PAQR7: variants seen among roughly 807,000 people sequenced by gnomAD.
PAQR7 encodes membrane progestin receptor alpha.
In PAQR7, 14 loss-of-function variants were observed where a neutral mutation model predicts 24.6. That is an observed-to-expected ratio of 0.57 (90% confidence interval 0.38 to 0.89). The LOEUF (loss-of-function observed/expected upper bound fraction) is 0.89, where lower values mean the gene tolerates loss of function less well. Ranked by LOEUF, PAQR7 falls within the 40% of genes least tolerant of loss-of-function variation. PAQR7 has a pLI of 0.00. For missense variants in PAQR7, 351 were observed against 444.0 expected (o/e 0.79, Z 1.88); for synonymous variants, 189 against 198.8 (o/e 0.95, Z 0.42).
intron 1 of PAQR7, among the ~76,000 whole-genome samples, chr1:25,872,900 A>G (rs1233901062): frequency 6.6e-6 from 1 of 151,990 alleles, no homozygotes. Context: ...GTACAATTCC[A>G]CTTCCTCTTT....
chr1:25,863,683 G>A lies in PAQR7; in HGVS notation c.157C>T (p.Pro53Ser). The change falls in exon 3 of 3, where the codon CCG (proline) becomes TCG (serine). Residue 53 changes from proline to serine, a missense_variant. By Grantham distance (74) the Pro-to-Ser change is moderately conservative (BLOSUM62 -1). Coordinates refer to ENST00000675840, the MANE Select transcript of PAQR7 (RefSeq NM_178422.6). The surrounding 1 kb of genome is among the most constrained non-coding windows in gnomAD (Gnocchi z 6.1). ...TAGAAGCGCCAGGTCTGATGCAGCGGCCGGTAGCCCGCATAGATGTACGGC... is the reference window on the plus strand; with the variant it reads ...TAGAAGCGCCAGGTCTGATGCAGCGACCGGTAGCCCGCATAGATGTACGGC... ...WKPYIYAGYRPLHQTWRFYFR... is the reference protein window; with the variant it reads ...WKPYIYAGYRSLHQTWRFYFR... The A allele has an allele frequency of 6.2e-7, 1 of 1,614,206 alleles. No individual in the cohort carries two copies. The highest frequency in any genetic ancestry group is 1.1e-5 in the South Asian group (1 of 91,088).
Position 25,862,494 on chromosome 1 carries a change from A to G in PAQR7, c.*305T>C. 2.9e-6 allele frequency: 1 copy of G among 341,312 alleles called. No homozygotes were observed. Among genetic ancestry groups the G allele is most frequent in the Non-Finnish European group, 5.4e-6 (1 of 183,868 alleles). 21.1% of individuals were successfully genotyped at this position (341,312 alleles called of 1,614,324 possible). A position where few individuals can be genotyped will look rare whatever the true frequency, so the allele number is the denominator to read the frequency against. Reference sequence around the variant, plus strand: ...AATCTAGAAGCCCCAATCCTCACCAAGCTGACCCCCAGCCTCACCCCAGTG... The same window carrying G: ...AATCTAGAAGCCCCAATCCTCACCAGGCTGACCCCCAGCCTCACCCCAGTG... On this transcript the variant is annotated 3_prime_UTR_variant, in exon 3 of 3. Coordinates refer to ENST00000675840, the MANE Select transcript of PAQR7 (RefSeq NM_178422.6).
chr1:25,874,779 C>T (rs1228044654), intron 1 of PAQR7, among the ~76,000 whole-genome samples: 2 of 152,224 alleles, frequency 1.3e-5, no homozygotes, highest in Non-Finnish European at 1.5e-5. Flanking sequence ...AGCCTTGAGG[C>T]AAGTGCTGTG....
In PAQR7 at chr1:25,864,157, G is replaced by A. The variant is rs540084224; in HGVS notation, c.-22-296C>T. On this transcript the variant is annotated intron_variant, in intron 2 of 2. Transcript: ENST00000675840. Reference sequence around the variant, plus strand: ...TCCCTGTCTTGTTAATTTCCTTTCCGGTCCCAGGCTCCACACAGCAGCACC... The same window carrying A: ...TCCCTGTCTTGTTAATTTCCTTTCCAGTCCCAGGCTCCACACAGCAGCACC... Among the ~76,000 whole-genome samples, 13 of 152,152 alleles carry A rather than the reference G, an allele frequency of 8.5e-5. No individual in the cohort carries two copies. In the South Asian group the frequency reaches 1.0e-3, roughly 12 times the overall value.
chr1:25,873,665 G>T (rs183018671), intron 1 of PAQR7, among the ~76,000 whole-genome samples: 186 of 152,208 alleles, frequency 1.2e-3, no homozygotes, highest in Non-Finnish European at 1.6e-3. Flanking sequence ...CAACTGCCCA[G>T]GCTCAAGCCA....
At position 25,863,225 on chromosome 1, in the gene PAQR7, G is replaced by A. The variant is rs1572275233; in HGVS notation, c.615C>T (p.Cys205=). 6 of 1,614,128 alleles carry A rather than the reference G, an allele frequency of 3.7e-6. No homozygotes were observed. In the East Asian group the frequency reaches 1.1e-4, roughly 30 times the overall value. ...AGGCCAGGACGGAGGGCACCTCCTG[G>A]CATGTGCGGCCCAGCAGGCCTGGTT... ...IQKPGLLGRT[C]QEVPSVLAYA... is the part of the protein sequence containing the mutation. Residue 205 remains cysteine (C), a synonymous_variant, in exon 3 of 3, where the codon TGC becomes TGT. Transcript: ENST00000675840. This position sits in a 1 kb window ranked among gnomAD's most constrained non-coding sequence, Gnocchi z 6.1.
Position 25,874,032 on chromosome 1 carries a change from C to T in PAQR7, c.-109+1456G>A, listed in dbSNP as rs528666241. Among the ~76,000 whole-genome samples the T allele has an allele frequency of 7.2e-5, 11 of 152,210 alleles. No individual in the cohort carries two copies. In the East Asian group the frequency reaches 1.9e-3, roughly 27 times the overall value. ...CTGAGTAACTGGGATTACAGGCATG[C>T]ACCACCACACCCGGCTAATTTTGTA... On this transcript the variant is annotated intron_variant, in intron 1 of 2. Transcript: ENST00000675840.
intron 2 of PAQR7, among the ~76,000 whole-genome samples, chr1:25,866,645 GAAGTT>G (rs1483741213): frequency 1.3e-5 from 2 of 152,214 alleles, no homozygotes; most frequent in Non-Finnish European, 2.9e-5. Flanking sequence ...GAAGTACAGA[GAAGTT>G]AAGTGCCTTG....
intron 2 of PAQR7, among the ~76,000 whole-genome samples, chr1:25,867,957 T>G (rs972435115): frequency 6.6e-6 from 1 of 152,228 alleles, no homozygotes; most frequent in African/African-American, 2.4e-5. Context: ...AGGGCAGATT[T>G]AGGAAGCAGA....
rs763608993 is a variant in PAQR7 at position 25,863,744 on chromosome 1, C to G, written c.96G>C (p.Thr32=). ...GCGGCGGCACCTCAGCTCGATCCAC[C>G]GTGAAGACAGGCTCTGGCTGCAGAG... The part of the protein sequence containing the change: ...QLSLQPEPVF[T]VDRAEVPPLF... Residue 32 remains threonine, a synonymous_variant, in exon 3 of 3, where the codon ACG becomes ACC. Coordinates refer to ENST00000675840, the MANE Select transcript of PAQR7 (RefSeq NM_178422.6). This position sits in a 1 kb window ranked among gnomAD's most constrained non-coding sequence, Gnocchi z 6.1. 6.2e-7 allele frequency: 1 copy of G among 1,613,888 alleles called. No individual in the cohort carries two copies. The highest frequency in any genetic ancestry group is 8.5e-7 in the Non-Finnish European group (1 of 1,180,010).
At chr1:25,864,928 G>A (rs572404200) in intron 2 of PAQR7, among the ~76,000 whole-genome samples, 6 of 151,346 alleles carry the variant, frequency 4.0e-5, no homozygotes, top group East Asian at 2.0e-4. Flanking sequence ...AGGCTGAGAC[G>A]GGCGGATCAC....
At chr1:25,865,087 C>T (rs541648978) in intron 2 of PAQR7, among the ~76,000 whole-genome samples, 2 of 148,878 alleles carry the variant, frequency 1.3e-5, no homozygotes, top group South Asian at 2.2e-4. Context: ...ACCCAGGGGG[C>T]GGAGCCTGCA....
rs529489712 is a variant in PAQR7, at chr1:25,872,938, C to T, written c.-108-2244G>A. Among the ~76,000 whole-genome samples the T allele has an allele frequency of 3.9e-5, 6 of 152,300 alleles. No individual in the cohort carries two copies. The East Asian group carries it at 9.6e-4, about 24-fold the overall frequency. ...CCTCCTTCTTGGCATGCAAAATATT[C>T]GTTGTTGCCTTTCTGGGCCCTGATT... On this transcript the variant is annotated intron_variant, in intron 1 of 2. Coordinates refer to ENST00000675840, the MANE Select transcript of PAQR7 (RefSeq NM_178422.6).
At chr1:25,868,601 T>C (rs558825390) in intron 2 of PAQR7, among the ~76,000 whole-genome samples, 16 of 151,544 alleles carry the variant, frequency 1.1e-4, no homozygotes, top group East Asian at 3.9e-4. Flanking sequence ...TCCCAGCTAC[T>C]TGGGAAGCTG....
intron 1 of PAQR7, chr1:25,871,242 GT>G (rs1241406828): frequency 6.6e-6 from 1 of 152,146 alleles, no homozygotes; most frequent in Non-Finnish European, 1.5e-5. Flanking sequence ...CAGAGTAACT[GT>G]TTTGAATTCA....
chr1:25,870,343 C>T (rs983687988), intron 2 of PAQR7, among the ~76,000 whole-genome samples: 2 of 152,160 alleles, frequency 1.3e-5, no homozygotes, highest in African/African-American at 4.8e-5. Context: ...GGCAAATTCA[C>T]CAGATGCTGA....
At position 25,862,737 on chromosome 1, in the gene PAQR7, G is replaced by A; in HGVS notation, c.*62C>T. On this transcript the variant is annotated 3_prime_UTR_variant, in exon 3 of 3. Transcript: ENST00000675840. ...CTTTACCAGGCCTTGTTCCCACCTG[G>A]AGCCAAACCCAGACCCCTGTCCCCC... The A allele has an allele frequency of 1.3e-6, 2 of 1,511,996 alleles. No homozygotes were observed. Among genetic ancestry groups the A allele is most frequent in the East Asian group, 2.3e-5 (1 of 44,238 alleles). 93.7% of individuals were successfully genotyped at this position (1,511,996 alleles called of 1,614,324 possible).
In PAQR7 at chr1:25,862,424, C is replaced by G; in HGVS notation, c.*375G>C. On this transcript the variant is annotated 3_prime_UTR_variant, in exon 3 of 3. Transcript: ENST00000675840. Reference sequence around the variant, plus strand: ...TAGGTTGCCAAGGCCTCCCCTGGCTCAGCTCAAATCTGACTCTGGCCTAAG... The same window carrying G: ...TAGGTTGCCAAGGCCTCCCCTGGCTGAGCTCAAATCTGACTCTGGCCTAAG... The G allele has an allele frequency of 4.8e-6, 1 of 207,070 alleles. No individual in the cohort carries two copies. The highest frequency in any genetic ancestry group is 1.2e-4 in the East Asian group (1 of 8,082). The allele number at this position is 207,070 out of a possible 1,614,324, so 12.8% of individuals were successfully genotyped here. A position where few individuals can be genotyped will look rare whatever the true frequency, so the allele number is the denominator to read the frequency against.
chr1:25,872,201 T>C (rs1000812143), intron 1 of PAQR7, among the ~76,000 whole-genome samples: 1 of 152,204 alleles, frequency 6.6e-6, no homozygotes, highest in Non-Finnish European at 1.5e-5. Flanking sequence ...GGATGCCAGG[T>C]GTTGGCTCTG....
Sources: gnomAD v4.1 joint callset for allele counts (sites outside exome capture counted in the v4.1 genomes callset) on GRCh38, gnomAD v4.1.1 for gene constraint, Gnocchi (gnomAD v3.1) non-coding constraint, MANE v1.5 for transcripts, NCBI Gene and HGNC (gene_info 2026-07-23, HGNC 2026-07-21) for gene names.